Variants in DNAH17 observed in about 807,000 individuals in gnomAD.
DNAH17 encodes the protein dynein axonemal heavy chain 17.
A neutral mutation model predicts 485.6 loss-of-function variants in DNAH17; 376 were observed. The observed-to-expected ratio is 0.77, with a 90% CI of 0.71 to 0.84. DNAH17 has a LOEUF of 0.84. Among genes scored for constraint, DNAH17 ranks in the 40% least tolerant of loss-of-function variants. The probability of loss-of-function intolerance (pLI) is 0.00; values close to 1 mark genes in which losing one functional copy is unlikely to be tolerated. For synonymous variants in DNAH17, 3,031 were observed against 2,405.9 expected (o/e 1.26, Z -7.60); for missense variants, 6,370 against 5,839.3 (o/e 1.09, Z -2.96).
Position 78,543,849 on chromosome 17 carries a change from T to A in DNAH17, c.2532+8A>T, listed in dbSNP as rs1395934470. 6.2e-7 allele frequency: 1 copy of A among 1,614,004 alleles called. No homozygotes were observed. Among genetic ancestry groups the A allele is most frequent in the Admixed American group, 1.7e-5 (1 of 60,018 alleles). On this transcript the variant is annotated splice_region_variant and intron_variant, in intron 17 of 80. Coordinates refer to ENST00000389840, the MANE Select transcript of DNAH17 (RefSeq NM_173628.4). The stretch of plus-strand genomic sequence containing the variant: ...GGTTCTCAAAAAACCTCCTGGGTGT[T>A]TCCTTACTGCAACCATGGCTTGGAT...
At chr17:78,537,712 G>A (rs1598668192) in intron 18 of DNAH17, among the ~76,000 whole-genome samples, 1 of 152,224 alleles carries the variant, frequency 6.6e-6, no homozygotes, top group East Asian at 1.9e-4. Context: ...GCAAGGGGAG[G>A]GGCAGGATCA....
In DNAH17 at chr17:78,455,760, G is replaced by A; in HGVS notation, c.10054C>T (p.Leu3352=). The change falls in exon 63 of 81, where the codon CTG becomes TTG. Residue 3352 remains leucine (L), a synonymous_variant. Coordinates refer to ENST00000389840, the MANE Select transcript of DNAH17 (RefSeq NM_173628.4). ...VENFRSQGVT[L]CGDVLLISAF... ...GAGATGAGCAGGACGTCCCCACACA[G>A]CGTGACCCCCTGGCTCCTGAAGTTC... 6.2e-7 allele frequency: 1 copy of A among 1,613,464 alleles called. No individual in the cohort carries two copies. The highest frequency in any genetic ancestry group is 1.7e-4 in the Middle Eastern group (1 of 6,060).
rs1194578228 is a variant in DNAH17, at chr17:78,543,842, T to G, written c.2532+15A>C. On this transcript the variant is annotated intron_variant, in intron 17 of 80. Transcript: ENST00000389840. ...GCAAGTGGGTTCTCAAAAAACCTCC[T>G]GGGTGTTTCCTTACTGCAACCATGG... is the stretch of plus-strand genomic sequence containing the variant. 1.4e-5 allele frequency: 23 copies of G among 1,613,904 alleles called. No homozygotes were observed. The highest frequency in any genetic ancestry group is 1.9e-5 in the Non-Finnish European group (23 of 1,179,912).
intron 75 of DNAH17, 26 bp from the exon 76 acceptor site, chr17:78,429,326 G>A (rs948275904): frequency 6.2e-6 from 10 of 1,606,414 alleles, no homozygotes; most frequent in East Asian, 2.2e-5. Context: ...AGCGGGTAGG[G>A]GAAAGTGCCC....
chr17:78,488,748 G>A (rs1479111373), intron 44 of DNAH17, among the ~76,000 whole-genome samples: 1 of 152,152 alleles, frequency 6.6e-6, no homozygotes, highest in East Asian at 1.9e-4. Flanking sequence ...CCTGGATTTA[G>A]GGTGGACCCT....
At chr17:78,524,341 T>C (rs1272100110) in intron 25 of DNAH17, among the ~76,000 whole-genome samples, 4 of 152,196 alleles carry the variant, frequency 2.6e-5, no homozygotes. Flanking sequence ...TTTCATCATG[T>C]TGGCTAGGCT....
rs768222733 is a variant in DNAH17 at position 78,466,696 on chromosome 17, A to ACAC, written c.8896_8898dup (p.Val2966dup). On this transcript the variant is annotated inframe_insertion, in exon 56 of 81. Coordinates refer to ENST00000389840, the MANE Select transcript of DNAH17 (RefSeq NM_173628.4). The stretch of plus-strand genomic sequence containing the variant: ...TCCTCCAGGAAGCGGGCGCTGACGG[A>ACAC]CACCAGCGCATCTTCCGGCCACTCG... 2.5e-6 allele frequency: 4 copies of ACAC among 1,612,232 alleles called. No individual in the cohort carries two copies. Among genetic ancestry groups the ACAC allele is most frequent in the Non-Finnish European group, 3.4e-6 (4 of 1,179,418 alleles).
rs60587420 is a variant in DNAH17, at chr17:78,553,283, GTTTTTTT to G, written c.2179-485_2179-479del. ...AAATTACCCAGTCCCAGGTTTTTGT[GTTTTTTT>G]TTTTTTTTTTTTTTTTTTTTTTTTT... On this transcript the variant is annotated intron_variant, in intron 14 of 80. Transcript: ENST00000389840. 7.8e-5 allele frequency among the ~76,000 whole-genome samples: 4 copies of G among 51,032 alleles called. 1 individual carries two copies. Among genetic ancestry groups the G allele is most frequent in the Non-Finnish European group, 1.0e-4 (3 of 28,886 alleles). The allele number at this position is 51,032 out of a possible 152,430, so 33.5% of individuals were successfully genotyped here.
Position 78,450,406 on chromosome 17 carries a change from C to T in DNAH17, c.10900-12G>A. On this transcript the variant is annotated splice_polypyrimidine_tract_variant and intron_variant, in intron 67 of 80. Coordinates refer to ENST00000389840, the MANE Select transcript of DNAH17 (RefSeq NM_173628.4). ...TTTGCCTCCACCACCTCGACACAAACAAAAGGGGTGTGAATGACACAGCAG... is the reference window on the plus strand; with the variant it reads ...TTTGCCTCCACCACCTCGACACAAATAAAAGGGGTGTGAATGACACAGCAG... The T allele has an allele frequency of 6.2e-7, 1 of 1,613,500 alleles. No individual in the cohort carries two copies. Among genetic ancestry groups the T allele is most frequent in the South Asian group, 1.1e-5 (1 of 90,992 alleles).
In DNAH17 at chr17:78,484,941, T is replaced by C. The variant is rs1169383721; in HGVS notation, c.7576A>G (p.Met2526Val). Reference protein sequence around the residue: ...KLVYFIDDMNMPEVDKYGTVA... With the variant: ...KLVYFIDDMNVPEVDKYGTVA... ...GTCCCATACTTGTCCACCTCGGGCATGTTCATGTCGTCGATGAAGTAGACG... is the reference window on the plus strand; with the variant it reads ...GTCCCATACTTGTCCACCTCGGGCACGTTCATGTCGTCGATGAAGTAGACG... The change falls in exon 48 of 81, where the codon ATG becomes GTG. Residue 2526 changes from methionine (M) to valine (V), a missense_variant. By Grantham distance (21) the Met-to-Val change is conservative (BLOSUM62 1). Coordinates refer to ENST00000389840, the MANE Select transcript of DNAH17 (RefSeq NM_173628.4). 2 of 1,611,126 alleles carry C rather than the reference T, an allele frequency of 1.2e-6. No individual in the cohort carries two copies. The highest frequency in any genetic ancestry group is 3.4e-5 in the Admixed American group (2 of 59,634).
rs925326350 is a variant in DNAH17 at position 78,521,025 on chromosome 17, C to T, written c.3864+3984G>A. ...GTGCAGTATCATGGAGGGACAGACA[C>T]GAAGACCAATGGAACAGAGCACAGA... is the stretch of plus-strand genomic sequence containing the variant. On this transcript the variant is annotated intron_variant, in intron 25 of 80. Transcript: ENST00000389840. 6.6e-5 allele frequency among the ~76,000 whole-genome samples: 10 copies of T among 152,122 alleles called. No individual in the cohort carries two copies. In the South Asian group the frequency reaches 1.0e-3, roughly 16 times the overall value.
chr17:78,510,712 G>T (rs931047560), intron 26 of DNAH17: 5 of 613,122 alleles, frequency 8.2e-6, no homozygotes, highest in South Asian at 2.0e-5. Context: ...CTGTAAAACC[G>T]CATAAGAGCA....
At position 78,532,677 on chromosome 17, in the gene DNAH17, G is replaced by A; in HGVS notation, c.2919C>T (p.Val973=). Residue 973 remains valine (V), a synonymous_variant, in exon 20 of 81, where the codon GTC becomes GTT. Transcript: ENST00000389840. ...CCTCGGCCTCCTTCATGGCATTGAT[G>A]ACCAGGCTGGACACCTCCTCCCTCA... The part of the protein sequence containing the change: ...IEMREEVSSL[V]INAMKEAEEY... 6.3e-7 allele frequency: 1 copy of A among 1,592,668 alleles called. No homozygotes were observed.
intron 17 of DNAH17, among the ~76,000 whole-genome samples, chr17:78,541,637 G>A (rs970485456): frequency 5.9e-5 from 9 of 152,078 alleles, no homozygotes; most frequent in Non-Finnish European, 1.0e-4. Context: ...CATCACAGTT[G>A]GGGAACAGAA....
chr17:78,575,154 G>A (rs769158839), intron 1 of DNAH17, 72 bp from the exon 2 acceptor site: 156 of 979,286 alleles, frequency 1.6e-4, no homozygotes, highest in Non-Finnish European at 2.0e-4. Context: ...CCCTGGCACC[G>A]CAGGAAATCT....
At chr17:78,575,545 C>T (rs1039787347) in intron 1 of DNAH17, among the ~76,000 whole-genome samples, 6 of 152,324 alleles carry the variant, frequency 3.9e-5, no homozygotes, top group African/African-American at 9.6e-5. Context: ...GCAGACCCCA[C>T]GTGCAGGCCG....
chr17:78,428,840 C>A (rs1598434494), intron 76 of DNAH17, 133 bp from the exon 77 acceptor site: 2 of 1,182,024 alleles, frequency 1.7e-6, no homozygotes, highest in East Asian at 2.4e-5. Context: ...TGTTTCCCAG[C>A]CCCCTTTGTG....
intron 22 of DNAH17, 64 bp downstream of exon 22, chr17:78,529,408 A>G (rs2091167014): frequency 3.9e-6 from 6 of 1,534,990 alleles, no homozygotes; most frequent in Non-Finnish European, 5.4e-6. Context: ...GGGCTGGTCC[A>G]TGGTCGCGGC....
intron 44 of DNAH17, among the ~76,000 whole-genome samples, chr17:78,487,064 T>C (rs1313180547): frequency 6.8e-6 from 1 of 146,464 alleles, no homozygotes; most frequent in Admixed American, 6.9e-5. Flanking sequence ...TACAAATCAA[T>C]ACAACCAGCA....
Sources: gnomAD v4.1 joint callset for allele counts (sites outside exome capture counted in the v4.1 genomes callset) on GRCh38, gnomAD v4.1.1 for gene constraint, MANE v1.5 for transcripts, NCBI Gene and HGNC (gene_info 2026-07-23, HGNC 2026-07-21) for gene names.